CHAT: variants seen among roughly 807,000 people sequenced by gnomAD.
The protein encoded by CHAT is choline O-acetyltransferase, also known as acetyl CoA:choline O-acetyltransferase.
Under a neutral mutation model 76.9 loss-of-function variants are expected in CHAT, and 61 were observed. The observed-to-expected ratio is 0.79, with a 90% CI of 0.65 to 0.98. CHAT has a LOEUF of 0.98. Among genes scored for constraint, CHAT ranks in the 50% least tolerant of loss-of-function variants. The pLI is 0.00. For missense variants in CHAT, 946 were observed against 986.9 expected (o/e 0.96, Z 0.56); for synonymous variants, 407 against 397.4 (o/e 1.02, Z -0.29).
At chr10:49,616,239 T>G in intron 1 of CHAT, 2 of 854,364 alleles carry the variant, frequency 2.3e-6, no homozygotes, top group East Asian at 4.9e-5. Flanking sequence ...TCAGCTGGCC[T>G]TGGGTGACAA....
At position 49,627,719 on chromosome 10, in the gene CHAT, C is replaced by G. The variant is rs776699190; in HGVS notation, c.1045C>G (p.Pro349Ala). The change falls in exon 7 of 15, where the codon CCA (proline) becomes GCA (alanine). Residue 349 changes from proline (P) to alanine (A), a missense_variant. Around this residue, in one of 3 missense-constraint regions of CHAT, gnomAD observed 548 missense variants for 516.2 expected, o/e 1.06. Transcript: ENST00000337653. Reference protein sequence around the residue: ...MASNEDERLPPIGLLTSDGRS... With the variant: ...MASNEDERLPAIGLLTSDGRS... Reference sequence around the variant, plus strand: ...TTCCAACGAGGACGAGCGTTTGCCTCCAATTGGCCTGCTGACGTCTGACGG... The same window carrying G: ...TTCCAACGAGGACGAGCGTTTGCCTGCAATTGGCCTGCTGACGTCTGACGG... The G allele has an allele frequency of 6.2e-7, 1 of 1,614,122 alleles. No homozygotes were observed. The highest frequency in any genetic ancestry group is 1.1e-5 in the South Asian group (1 of 91,078).
chr10:49,611,499 C>G, upstream of CHAT: 1 of 1,600,618 alleles, frequency 6.2e-7, no homozygotes, highest in Non-Finnish European at 8.5e-7. Flanking sequence ...CCGTGTCGCT[C>G]TTTGACGCGC....
At chr10:49,611,712 G>T (rs1175218381), upstream of CHAT, 2 of 1,607,886 alleles carry the variant, frequency 1.2e-6, no homozygotes, top group East Asian at 4.5e-5. Context: ...CGGCTTCCGA[G>T]TGGGAGATGG....
intron 4 of CHAT, among the ~76,000 whole-genome samples, chr10:49,621,434 G>A (rs4615945): frequency 0.23 from 34,575 of 152,110 alleles, 6,872 homozygotes; most frequent in East Asian, 0.61. Context: ...TGCATCTGAG[G>A]GGGTATTTTC....
intron 14 of CHAT, among the ~76,000 whole-genome samples, chr10:49,664,556 T>C (rs1022397582): frequency 3.9e-5 from 6 of 152,204 alleles, no homozygotes; most frequent in African/African-American, 1.4e-4. Context: ...GTAGAGCAGA[T>C]TGCACACCAG....
intron 11 of CHAT, among the ~76,000 whole-genome samples, chr10:49,653,762 C>T (rs1331054970): frequency 5.3e-5 from 8 of 152,214 alleles, no homozygotes; most frequent in Non-Finnish European, 1.2e-4. Context: ...GGGCATGGGG[C>T]CGAGATAGGC....
In CHAT at chr10:49,664,985, A is replaced by G; in HGVS notation, c.2186A>G (p.Glu729Gly). Residue 729 changes from glutamate to glycine, a missense_variant, in exon 15 of 15, where the codon GAG (glutamate) becomes GGG (glycine). Glu to Gly is a moderately conservative substitution (Grantham distance 98). Around this residue, in one of 3 missense-constraint regions of CHAT, gnomAD observed 349 missense variants for 393.9 expected, o/e 0.89. Coordinates refer to ENST00000337653, the MANE Select transcript of CHAT (RefSeq NM_020549.5). ...CTCTGCAGTCTGCTGCCGCCTACTG[A>G]GAGCAAGCCATTGGCAACAAAGGAA... ...RDLCSLLPPT[E>G]SKPLATKEKA... 2 of 1,614,230 alleles carry G rather than the reference A, an allele frequency of 1.2e-6. No individual in the cohort carries two copies. The highest frequency in any genetic ancestry group is 1.7e-6 in the Non-Finnish European group (2 of 1,180,038).
chr10:49,620,725 GGGTCAAATGCCCCGA>G, intron 4 of CHAT, 112 bp downstream of exon 4: 1 of 845,856 alleles, frequency 1.2e-6, no homozygotes, highest in South Asian at 1.4e-5. Flanking sequence ...GAGCTTCCTG[GGGTCAAATGCCCCGA>G]GACAGTGGAC....
chr10:49,664,926 A>C lies in CHAT; in HGVS notation c.2127A>C (p.Lys709Asn), dbSNP rs145995632. The C allele has an allele frequency of 6.2e-7, 1 of 1,614,230 alleles. No individual in the cohort carries two copies. The highest frequency in any genetic ancestry group is 8.5e-7 in the Non-Finnish European group (1 of 1,180,036). ...AGACTTCTTCTAGCAAGTTTGCAAA[A>C]GCTGTGGAAGAAAGCCTCATTGACA... is the stretch of plus-strand genomic sequence containing the variant. ...CKETSSSKFA[K>N]AVEESLIDMR... Residue 709 changes from lysine (K) to asparagine (N), a missense_variant, in exon 15 of 15, where the codon AAA becomes AAC. Transcript: ENST00000337653.
intron 5 of CHAT, among the ~76,000 whole-genome samples, chr10:49,623,250 G>A (rs1838794503): frequency 1.3e-5 from 2 of 151,774 alleles, no homozygotes; most frequent in Admixed American, 1.3e-4. Flanking sequence ...CTGGGGACTT[G>A]GTGCCCATTC....
At chr10:49,615,753 TA>T (rs1372422410) in intron 1 of CHAT, 4 of 498,556 alleles carry the variant, frequency 8.0e-6, no homozygotes, top group Non-Finnish European at 1.1e-5. Context: ...CCTTCAAAAT[TA>T]ATCTGCCTCT....
upstream of CHAT, chr10:49,610,825 C>T (rs8187734): frequency 3.4e-4 from 543 of 1,606,874 alleles, 2 homozygotes; most frequent in African/African-American, 6.7e-3. Flanking sequence ...GCAGGAGCCC[C>T]GGCGGCAGAG....
intron 7 of CHAT, among the ~76,000 whole-genome samples, chr10:49,645,648 G>A (rs1348152467): frequency 1.3e-5 from 2 of 152,170 alleles, no homozygotes; most frequent in East Asian, 3.9e-4. Context: ...GGTGCTCTCT[G>A]GGAGGAACGC....
In CHAT at chr10:49,665,918, C is replaced by T. The variant is rs954648839; in HGVS notation, c.*872C>T. Among the ~76,000 whole-genome samples, 2 of 152,158 alleles carry T rather than the reference C, an allele frequency of 1.3e-5. No homozygotes were observed. The highest frequency in any genetic ancestry group is 2.9e-5 in the Non-Finnish European group (2 of 68,038). On this transcript the variant is annotated 3_prime_UTR_variant, in exon 15 of 15. Coordinates refer to ENST00000337653, the MANE Select transcript of CHAT (RefSeq NM_020549.5). Reference sequence around the variant, plus strand: ...CATTTGCATTTTTTCTGCATCTTTTCCCCTCTCCTCCCCTCCTACATGCTC... The same window carrying T: ...CATTTGCATTTTTTCTGCATCTTTTTCCCTCTCCTCCCCTCCTACATGCTC...
upstream of CHAT, chr10:49,610,397 C>T: frequency 7.5e-6 from 2 of 266,004 alleles, no homozygotes; most frequent in East Asian, 6.4e-5. Context: ...CCTCGGCCAG[C>T]GCGGGCGGCC....
intron 14 of CHAT, among the ~76,000 whole-genome samples, chr10:49,663,670 A>G (rs3793800): frequency 0.012 from 1,849 of 152,290 alleles, 70 homozygotes; most frequent in East Asian, 0.1. Flanking sequence ...ACAGCCATCA[A>G]TTTACTAAAA....
In CHAT at chr10:49,646,537, G is replaced by C. The variant is rs1463880522; in HGVS notation, c.1144G>C (p.Glu382Gln). The change falls in exon 8 of 15, where the codon GAG (glutamate) becomes CAG (glutamine). Residue 382 changes from glutamate to glutamine, a missense_variant. Transcript: ENST00000337653. ...CAACCGGGACTCGCTGGACATGATT[G>C]AGCGCTGCATCTGCCTTGTATGCCT... ...STNRDSLDMI[E>Q]RCICLVCLDA... The C allele has an allele frequency of 1.9e-6, 3 of 1,614,120 alleles. No individual in the cohort carries two copies. The highest frequency in any genetic ancestry group is 1.7e-6 in the Non-Finnish European group (2 of 1,180,040).
At chr10:49,636,447 G>T (rs1370337992) in intron 7 of CHAT, among the ~76,000 whole-genome samples, 2 of 152,014 alleles carry the variant, frequency 1.3e-5, no homozygotes, top group African/African-American at 4.8e-5. Context: ...ATCTATATTT[G>T]TGAGGGCCAC....
chr10:49,609,972 C>T (rs1370857963), upstream of CHAT, among the ~76,000 whole-genome samples: 1 of 152,112 alleles, frequency 6.6e-6, no homozygotes, highest in African/African-American at 2.4e-5. Context: ...CGCCCCCTTC[C>T]CCAAGAGGAG....
Sources: gnomAD v4.1 joint callset for allele counts (sites outside exome capture counted in the v4.1 genomes callset) on GRCh38, gnomAD v4.1.1 for gene constraint, gnomAD v4.1.1 regional missense constraint, MANE v1.5 for transcripts, NCBI Gene and HGNC (gene_info 2026-07-23, HGNC 2026-07-21) for gene names.